UROC1: variants seen among roughly 807,000 people sequenced by gnomAD.
UROC1 encodes the protein urocanate hydratase.
Under a neutral mutation model 89.5 loss-of-function variants are expected in UROC1, and 79 were observed. That is an observed-to-expected ratio of 0.88 (90% CI 0.74 to 1.06). The LOEUF is 1.06. UROC1 is among the 50% of genes least tolerant of loss of function. The pLI is 0.00. For missense variants in UROC1, 885 were observed against 907.8 expected, an observed-to-expected ratio of 0.97 and a Z score of 0.32; for synonymous variants, 361 against 354.8, an observed-to-expected ratio of 1.02 and a Z score of -0.20.
At chr3:126,511,016 C>A (rs1318314079) in intron 1 of UROC1, among the ~76,000 whole-genome samples, 1 of 152,110 alleles carries the variant, frequency 6.6e-6, no homozygotes, top group Non-Finnish European at 1.5e-5. Flanking sequence ...TGAAGGCAGA[C>A]TGATCCCTCT....
chr3:126,503,918 C>T, intron 9 of UROC1, 77 bp downstream of exon 9: 2 of 1,551,854 alleles, frequency 1.3e-6, no homozygotes, highest in Non-Finnish European at 1.8e-6. Context: ...ACCAAGCTGC[C>T]CCATGGGGGT....
At chr3:126,506,084 T>C (rs2107547042) in intron 6 of UROC1, 73 bp from the exon 7 acceptor site, 1 of 1,561,622 alleles carries the variant, frequency 6.4e-7, no homozygotes, top group Middle Eastern at 1.7e-4. Context: ...CCACTCCTTT[T>C]AGGAGGTTGA....
intron 18 of UROC1, among the ~76,000 whole-genome samples, chr3:126,487,499 G>T (rs906003850): frequency 6.6e-6 from 1 of 152,210 alleles, no homozygotes; most frequent in Non-Finnish European, 1.5e-5. Context: ...GCTCCACCGG[G>T]ACTTGGCTCT....
chr3:126,488,105 C>T (rs1935557114), intron 18 of UROC1, 93 bp downstream of exon 18: 1 of 1,388,322 alleles, frequency 7.2e-7, no homozygotes, highest in African/African-American at 1.4e-5. Context: ...GAGGTAGGGC[C>T]CAGGACTTCA....
intron 1 of UROC1, 107 bp downstream of exon 1, chr3:126,517,487 C>G (rs539922301): frequency 2.6e-6 from 4 of 1,555,468 alleles, no homozygotes; most frequent in Non-Finnish European, 3.5e-6. Flanking sequence ...CCAGGGTGGG[C>G]GGCTGAGCAG....
chr3:126,511,245 CAT>C (rs1936189940), intron 1 of UROC1, among the ~76,000 whole-genome samples: 3 of 152,194 alleles, frequency 2.0e-5, no homozygotes, highest in South Asian at 4.1e-4. Flanking sequence ...TACACACACA[CAT>C]GAACTCTTTT....
chr3:126,507,264 T>C (rs1037552232), intron 6 of UROC1, among the ~76,000 whole-genome samples: 3 of 152,092 alleles, frequency 2.0e-5, no homozygotes, highest in Non-Finnish European at 4.4e-5. Flanking sequence ...TGTGTGCATC[T>C]TATTACATGC....
intron 16 of UROC1, among the ~76,000 whole-genome samples, chr3:126,489,868 G>A (rs1935604085): frequency 1.3e-5 from 2 of 152,288 alleles, no homozygotes; most frequent in Non-Finnish European, 2.9e-5. Flanking sequence ...ATTGTATGTC[G>A]AGGAGAGTAC....
rs1576710954 is a variant in UROC1, at chr3:126,488,267, T to C, written c.1721A>G (p.Gln574Arg). The change falls in exon 18 of 20, where the codon CAG becomes CGG. Residue 574 changes from glutamine to arginine, a missense_variant. Gln to Arg is a conservative substitution (Grantham distance 43). Transcript: ENST00000290868. The part of the protein sequence containing the change: ...GSAFCADMAV[Q>R]NFVGDACRGA... ...GCGACAGGCATCTCCCACGAAGTTC[T>C]GCACAGCCATGTCTGCGGAAATAGA... 1 of 1,614,130 alleles carries C rather than the reference T, an allele frequency of 6.2e-7. No homozygotes were observed. Among genetic ancestry groups the C allele is most frequent in the South Asian group, 1.1e-5 (1 of 91,096 alleles).
At chr3:126,494,985 C>T (rs990890700) in intron 15 of UROC1, among the ~76,000 whole-genome samples, 8 of 152,170 alleles carry the variant, frequency 5.3e-5, no homozygotes, top group East Asian at 1.9e-4. Context: ...CAGATGAGGG[C>T]GTGGCGCTCA....
chr3:126,511,277 CAA>C (rs1936191216), intron 1 of UROC1, among the ~76,000 whole-genome samples: 1 of 152,204 alleles, frequency 6.6e-6, no homozygotes, highest in Non-Finnish European at 1.5e-5. Flanking sequence ...CCATAGGAAG[CAA>C]TTCCTATGGC....
chr3:126,484,498 T>C (rs184645938), intron 18 of UROC1, among the ~76,000 whole-genome samples: 3 of 152,380 alleles, frequency 2.0e-5, no homozygotes, highest in East Asian at 3.9e-4. Context: ...TCTTCCAGCA[T>C]GCAAAATGTG....
intron 18 of UROC1, 76 bp from the exon 19 acceptor site, chr3:126,483,544 G>T: frequency 7.1e-7 from 1 of 1,411,710 alleles, no homozygotes; most frequent in Non-Finnish European, 9.9e-7. Context: ...CCCATGTTTT[G>T]GAAGCATTGG....
intron 1 of UROC1, 114 bp from the exon 2 acceptor site, chr3:126,510,908 G>A: frequency 1.4e-6 from 2 of 1,456,398 alleles, no homozygotes; most frequent in African/African-American, 1.4e-5. Flanking sequence ...CCACTCAGAA[G>A]CCTGTTGCCC....
Position 126,503,578 on chromosome 3 carries a change from C to T in UROC1, c.902+417G>A, listed in dbSNP as rs557733107. ...TCACAGGCTCGCCACTGCAACAGCG[C>T]AGGGCAGCCCCTATCAGGCCGGGTG... On this transcript the variant is annotated intron_variant, in intron 9 of 19. Coordinates refer to ENST00000290868, the MANE Select transcript of UROC1 (RefSeq NM_144639.3). Among the ~76,000 whole-genome samples, 3 of 152,352 alleles carry T rather than the reference C, an allele frequency of 2.0e-5. No homozygotes were observed. In the East Asian group the frequency reaches 5.8e-4, roughly 29 times the overall value.
intron 18 of UROC1, among the ~76,000 whole-genome samples, chr3:126,485,189 A>G (rs189014511): frequency 4.4e-4 from 67 of 152,404 alleles, no homozygotes; most frequent in Non-Finnish European, 8.7e-4. Context: ...GTTAACATAC[A>G]TGAATAGTGT....
chr3:126,489,983 C>T (rs1323550414), intron 16 of UROC1, among the ~76,000 whole-genome samples: 4 of 152,104 alleles, frequency 2.6e-5, no homozygotes, highest in Non-Finnish European at 5.9e-5. Context: ...CTGACCTGTG[C>T]AATAGAGACG....
intron 16 of UROC1, among the ~76,000 whole-genome samples, chr3:126,489,734 G>A (rs1187657239): frequency 6.6e-6 from 1 of 152,188 alleles, no homozygotes; most frequent in Non-Finnish European, 1.5e-5. Context: ...AACCCCACAC[G>A]TGTTATATGC....
In UROC1 at chr3:126,483,384, C is replaced by A; in HGVS notation, c.1875G>T (p.Trp625Cys). 1 of 1,613,394 alleles carries A rather than the reference C, an allele frequency of 6.2e-7. No homozygotes were observed. Among genetic ancestry groups the A allele is most frequent in the Non-Finnish European group, 8.5e-7 (1 of 1,180,028 alleles). ...AEGRARLMLSWDVSNGVARRC... is the reference protein window; with the variant it reads ...AEGRARLMLSCDVSNGVARRC... ...GCTGACTTACACCATTGGAGACATC[C>A]CAGCTGAGCATCAGCCTGGCTCTCC... Residue 625 changes from tryptophan to cysteine, a missense_variant, in exon 19 of 20, where the codon TGG (tryptophan) becomes TGT (cysteine). By Grantham distance (215) the Trp-to-Cys change is radical. Coordinates refer to ENST00000290868, the MANE Select transcript of UROC1 (RefSeq NM_144639.3).
Sources: gnomAD v4.1 joint callset for allele counts (sites outside exome capture counted in the v4.1 genomes callset) on GRCh38, gnomAD v4.1.1 for gene constraint, MANE v1.5 for transcripts, NCBI Gene and HGNC (gene_info 2026-07-23, HGNC 2026-07-21) for gene names.